MAPK10: variants seen among roughly 807,000 people sequenced by gnomAD.
The protein encoded by MAPK10 is JNK3 alpha protein kinase.
Under a neutral mutation model 59.3 loss-of-function variants are expected in MAPK10, and 25 were observed. The ratio of observed to expected loss-of-function variants is 0.42; its 90% CI spans 0.31 to 0.59. MAPK10 has a LOEUF of 0.59. Among genes scored for constraint, MAPK10 ranks in the 20% least tolerant of loss-of-function variants. The pLI is 0.15. For synonymous variants in MAPK10, 190 were observed against 200.5 expected (o/e 0.95, Z 0.44); for missense variants, 351 against 568.9 (o/e 0.62, Z 3.90).
intron 1 of MAPK10, among the ~76,000 whole-genome samples, chr4:86,402,189 T>C (rs895968765): frequency 6.6e-6 from 1 of 151,834 alleles, no homozygotes; most frequent in African/African-American, 2.4e-5. Context: ...TTCACTTCAC[T>C]GGGAAAATAT....
intron 2 of MAPK10, among the ~76,000 whole-genome samples, chr4:86,196,371 GT>G (rs1442106688): frequency 6.6e-6 from 1 of 152,202 alleles, no homozygotes; most frequent in Non-Finnish European, 1.5e-5. Flanking sequence ...CTTTTGAGAA[GT>G]GTCTGTTCAT....
chr4:86,368,944 C>T (rs1258657054), intron 1 of MAPK10, among the ~76,000 whole-genome samples: 1 of 152,102 alleles, frequency 6.6e-6, no homozygotes, highest in East Asian at 1.9e-4. Context: ...AGAAAACGCC[C>T]TTTTCTTAGA....
chr4:86,488,573 C>T (rs1285268321), intron 1 of MAPK10, among the ~76,000 whole-genome samples: 2 of 152,184 alleles, frequency 1.3e-5, no homozygotes, highest in African/African-American at 2.4e-5. Context: ...ATCACCCACA[C>T]TCCTTTCTTC....
intron 12 of MAPK10, among the ~76,000 whole-genome samples, chr4:86,031,158 A>G (rs1478613503): frequency 6.6e-6 from 1 of 152,220 alleles, no homozygotes; most frequent in Non-Finnish European, 1.5e-5. Context: ...TTTAAAAGGT[A>G]TCAATGGTAA....
At chr4:86,511,082 T>G (rs1756197638) in intron 1 of MAPK10, among the ~76,000 whole-genome samples, 1 of 152,262 alleles carries the variant, frequency 6.6e-6, no homozygotes, top group Non-Finnish European at 1.5e-5. Flanking sequence ...AGGTGATGGA[T>G]ATCCCAGGTA....
intron 1 of MAPK10, among the ~76,000 whole-genome samples, chr4:86,420,355 G>C (rs1229885283): frequency 6.6e-6 from 1 of 152,110 alleles, no homozygotes; most frequent in Non-Finnish European, 1.5e-5. Context: ...TATTATTGAG[G>C]AACAAGTTCC....
At chr4:86,025,979 T>C (rs973696035) in intron 13 of MAPK10, among the ~76,000 whole-genome samples, 19 of 152,230 alleles carry the variant, frequency 1.2e-4, no homozygotes, top group Non-Finnish European at 2.8e-4. Context: ...ACAATTTGTC[T>C]GGGCCTGAGA....
At chr4:86,079,487 AAT>A (rs569385845) in intron 9 of MAPK10, 6 of 152,250 alleles carry the variant, frequency 3.9e-5, no homozygotes, top group South Asian at 2.1e-4. Context: ...ATTTTTTGTA[AAT>A]AGCACCCACC....
In MAPK10 at chr4:86,064,351, A is replaced by G; in HGVS notation, c.1025T>C (p.Ile342Thr). The change falls in exon 11 of 14, where the codon ATT becomes ACT. Residue 342 changes from isoleucine to threonine, a missense_variant. Ile to Thr is a moderately conservative substitution (Grantham distance 89, BLOSUM62 -1). Around this residue, in one of 5 missense-constraint regions of MAPK10, gnomAD observed 155 missense variants for 204.2 expected, o/e 0.76. Coordinates refer to ENST00000641462, the MANE Select transcript of MAPK10 (RefSeq NM_138982.4). ...ARDLLSKMLV[I>T]DPAKRISVDD... The stretch of plus-strand genomic sequence containing the variant: ...CACTGATATTCTTTTTGCTGGGTCA[A>G]TCACTAGCATCTTTGACAACAAGTC... The G allele has an allele frequency of 6.2e-7, 1 of 1,614,156 alleles. No individual in the cohort carries two copies. Among genetic ancestry groups the G allele is most frequent in the Non-Finnish European group, 8.5e-7 (1 of 1,179,978 alleles).
chr4:86,181,120 A>C (rs2076844784), intron 3 of MAPK10, among the ~76,000 whole-genome samples: 2 of 152,134 alleles, frequency 1.3e-5, no homozygotes. Context: ...TATGATTGTT[A>C]TGTGCCAATT....
At chr4:86,571,356 G>GTGTGTGTA (rs1554283318) in intron 1 of MAPK10, among the ~76,000 whole-genome samples, 4 of 145,428 alleles carry the variant, frequency 2.8e-5, no homozygotes, top group Non-Finnish European at 6.1e-5. Context: ...GTGTGTGTGT[G>GTGTGTGTA]TATCTCCAGT....
At chr4:86,122,861 G>A (rs1043844229) in intron 4 of MAPK10, among the ~76,000 whole-genome samples, 5 of 152,000 alleles carry the variant, frequency 3.3e-5, no homozygotes, top group Non-Finnish European at 5.9e-5. Flanking sequence ...CCATAACTTT[G>A]TAAAGCATCA....
At chr4:86,541,057 G>A (rs892112072) in intron 1 of MAPK10, among the ~76,000 whole-genome samples, 2 of 152,180 alleles carry the variant, frequency 1.3e-5, no homozygotes, top group African/African-American at 4.8e-5. Context: ...CACCAAGTCA[G>A]GATTGGGGTG....
At chr4:86,190,220 TGTCTCTGCCAG>T (rs2079351555) in intron 3 of MAPK10, among the ~76,000 whole-genome samples, 1 of 152,144 alleles carries the variant, frequency 6.6e-6, no homozygotes, top group African/African-American at 2.4e-5. Flanking sequence ...TTTTACGCTG[TGTCTCTGCCAG>T]GTTTTGGTAT....
chr4:86,488,903 G>T (rs1754241827), intron 1 of MAPK10, among the ~76,000 whole-genome samples: 2 of 152,210 alleles, frequency 1.3e-5, no homozygotes, highest in African/African-American at 4.8e-5. Context: ...TTGAATCTGG[G>T]TTTGGCCACA....
At chr4:86,354,469 T>C (rs983158546) in intron 2 of MAPK10, 61 bp downstream of exon 2, 100 of 676,072 alleles carry the variant, frequency 1.5e-4, no homozygotes, top group Middle Eastern at 4.7e-4. Flanking sequence ...ATGCAATATT[T>C]AAATTGGCTA....
intron 1 of MAPK10, among the ~76,000 whole-genome samples, chr4:86,442,066 T>G (rs1652337147): frequency 6.6e-6 from 1 of 152,174 alleles, no homozygotes. Context: ...CACATACAAC[T>G]AATGCTTCAT....
chr4:86,082,569 CCTT>C (rs1054289471), intron 9 of MAPK10, among the ~76,000 whole-genome samples: 2 of 152,114 alleles, frequency 1.3e-5, no homozygotes, highest in African/African-American at 2.4e-5. Context: ...AAGACTCAAA[CCTT>C]CTTGGAAGGC....
At position 86,064,393 on chromosome 4, in the gene MAPK10, G is replaced by GAAACAATAAATGAGAA; in HGVS notation, c.986-19_986-4dup. On this transcript the variant is annotated splice_polypyrimidine_tract_variant and splice_region_variant and intron_variant, in intron 10 of 13. Transcript: ENST00000641462. ...CAACAAGTCCCTGGCTTGGCTGGCT[G>GAAACAATAAATGAGAA]AAACAATAAATGAGAAAAACAATTA... 1 of 1,612,954 alleles carries GAAACAATAAATGAGAA rather than the reference G, an allele frequency of 6.2e-7. No homozygotes were observed. The highest frequency in any genetic ancestry group is 8.5e-7 in the Non-Finnish European group (1 of 1,179,674).
Sources: gnomAD v4.1 joint callset for allele counts (sites outside exome capture counted in the v4.1 genomes callset) on GRCh38, gnomAD v4.1.1 for gene constraint, gnomAD v4.1.1 regional missense constraint, MANE v1.5 for transcripts, NCBI Gene and HGNC (gene_info 2026-07-23, HGNC 2026-07-21) for gene names.